BMP2K: variants seen among roughly 807,000 people sequenced by gnomAD.
BMP2K encodes BMP-2-inducible protein kinase.
A neutral mutation model predicts 116.0 loss-of-function variants in BMP2K; 74 were observed. That is an observed-to-expected ratio of 0.64 (90% CI 0.53 to 0.77). The LOEUF is 0.77. Ranked by LOEUF, BMP2K falls within the 30% of genes least tolerant of loss-of-function variation. The probability of loss-of-function intolerance (pLI) is 0.00; values close to 1 mark genes in which losing one functional copy is unlikely to be tolerated. For synonymous variants in BMP2K, 486 were observed against 502.5 expected, an observed-to-expected ratio of 0.97 and a Z score of 0.44; for missense variants, 1,365 against 1,403.6, an observed-to-expected ratio of 0.97 and a Z score of 0.44.
chr4:78,779,677 A>G (rs1727411677), intron 1 of BMP2K, among the ~76,000 whole-genome samples: 1 of 152,222 alleles, frequency 6.6e-6, no homozygotes, highest in Non-Finnish European at 1.5e-5. Flanking sequence ...ATGAGGAGCA[A>G]CCTTTGTTAT....
intron 1 of BMP2K, among the ~76,000 whole-genome samples, chr4:78,788,663 A>G (rs1453424224): frequency 1.3e-5 from 2 of 151,700 alleles, no homozygotes; most frequent in African/African-American, 2.4e-5. Flanking sequence ...ACCTTAGTGC[A>G]GTGGGAACTT....
chr4:78,864,433 T>A (rs772366464), intron 9 of BMP2K, among the ~76,000 whole-genome samples: 1 of 151,838 alleles, frequency 6.6e-6, no homozygotes, highest in Non-Finnish European at 1.5e-5. Context: ...ATGTAATATC[T>A]GTATATATTT....
intron 13 of BMP2K, among the ~76,000 whole-genome samples, chr4:78,873,961 C>T (rs563103631): frequency 1.5e-4 from 23 of 152,108 alleles, no homozygotes; most frequent in Middle Eastern, 3.4e-3. Flanking sequence ...AGGCGGATCA[C>T]GAGGTCAGGA....
chr4:78,842,631 C>G (rs1008050371), intron 4 of BMP2K, 104 bp downstream of exon 4: 2 of 998,446 alleles, frequency 2.0e-6, no homozygotes, highest in Middle Eastern at 2.6e-4. Context: ...TGAGGTTGGT[C>G]TCTCTCTCCC....
In BMP2K at chr4:78,870,988, G is replaced by GCAA; in HGVS notation, c.1439_1440insACA (p.Gln486dup). ...AGCAGCAGCAGCAACAGCAACAGCA[G>GCAA]CAGCAGCAGCAGCAGCAGCAGCACC... is the stretch of plus-strand genomic sequence containing the variant. On this transcript the variant is annotated inframe_insertion, in exon 11 of 16. Transcript: ENST00000502613. 1 of 1,508,472 alleles carries GCAA rather than the reference G, an allele frequency of 6.6e-7. No individual in the cohort carries two copies. Among genetic ancestry groups the GCAA allele is most frequent in the Non-Finnish European group, 9.1e-7 (1 of 1,099,392 alleles). 93.4% of individuals were successfully genotyped at this position (1,508,472 alleles called of 1,614,324 possible). A position where few individuals can be genotyped will look rare whatever the true frequency, so the allele number is the denominator to read the frequency against.
intron 11 of BMP2K, 47 bp from the exon 12 acceptor site, chr4:78,871,803 G>T: frequency 1.5e-6 from 2 of 1,338,408 alleles, no homozygotes; most frequent in South Asian, 1.2e-5. Context: ...AAAGGGCTCT[G>T]ACACAAAAAA....
chr4:78,852,215 A>G (rs1387701668), intron 7 of BMP2K, among the ~76,000 whole-genome samples: 3 of 152,010 alleles, frequency 2.0e-5, no homozygotes. Context: ...GTGAGATGGA[A>G]AAAAATACTA....
rs555755338 is a variant in BMP2K, at chr4:78,821,136, C to CT, written c.179-4894dup. ...TAGCTCCCAGCACCTCTTCAAAGTT[C>CT]TTTTTTTCTGTTTGCTTGTTTTACT... On this transcript the variant is annotated intron_variant, in intron 1 of 15. Transcript: ENST00000502613. Among the ~76,000 whole-genome samples the CT allele has an allele frequency of 2.6e-3, 394 of 152,192 alleles. 1 individual carries two copies. Among genetic ancestry groups the CT allele is most frequent in the Non-Finnish European group, 4.4e-3 (302 of 67,986 alleles).
intron 14 of BMP2K, among the ~76,000 whole-genome samples, chr4:78,884,318 C>A (rs887859488): frequency 6.6e-6 from 1 of 152,038 alleles, no homozygotes; most frequent in African/African-American, 2.4e-5. Context: ...AAGAGTGAGA[C>A]CCTGTCTCAA....
chr4:78,851,405 G>A (rs1211038532), intron 7 of BMP2K, among the ~76,000 whole-genome samples: 2 of 151,950 alleles, frequency 1.3e-5, no homozygotes, highest in African/African-American at 2.4e-5. Context: ...GGTAGGTACT[G>A]TAATTTAACT....
rs1440770331 is a variant in BMP2K, at chr4:78,913,046, G to T, written c.*1013G>T. On this transcript the variant is annotated 3_prime_UTR_variant, in exon 16 of 16. Transcript: ENST00000502613. ...ACTGAATTTTCAAGACATTTACAAT[G>T]TGAAATCATGTTGCATTTAACAATG... is the stretch of plus-strand genomic sequence containing the variant. 1.3e-5 allele frequency: 2 copies of T among 152,192 alleles called. No homozygotes were observed. The highest frequency in any genetic ancestry group is 1.5e-5 in the Non-Finnish European group (1 of 68,024). The allele number at this position is 152,192 out of a possible 1,614,324, so 9.4% of individuals were successfully genotyped here.
chr4:78,872,052 A>G (rs1732385266), intron 12 of BMP2K, 104 bp downstream of exon 12: 4 of 844,142 alleles, frequency 4.7e-6, no homozygotes, highest in African/African-American at 1.7e-5. Flanking sequence ...AAATCAAGTA[A>G]GTTAATTGAC....
intron 14 of BMP2K, among the ~76,000 whole-genome samples, chr4:78,884,113 C>T (rs1732974290): frequency 6.6e-6 from 1 of 151,950 alleles, no homozygotes; most frequent in South Asian, 2.1e-4. Context: ...GGGAGGATTG[C>T]TTGAGTCTAG....
intron 1 of BMP2K, among the ~76,000 whole-genome samples, chr4:78,778,416 A>C (rs575259348): frequency 6.6e-6 from 1 of 152,332 alleles, no homozygotes; most frequent in Admixed American, 6.5e-5. Flanking sequence ...CGCTAATGTC[A>C]CTGTTAGAGT....
chr4:78,782,007 C>A (rs924668700), intron 1 of BMP2K, among the ~76,000 whole-genome samples: 1 of 152,232 alleles, frequency 6.6e-6, no homozygotes, highest in South Asian at 2.1e-4. Context: ...CACATTTTTT[C>A]GCCTGGCATT....
chr4:78,778,168 TACAC>T (rs1199177472), intron 1 of BMP2K, among the ~76,000 whole-genome samples: 2 of 152,216 alleles, frequency 1.3e-5, no homozygotes, highest in African/African-American at 4.8e-5. Flanking sequence ...TGAGTAGTGT[TACAC>T]TCACTCATTC....
chr4:78,798,320 A>C (rs987440411), intron 1 of BMP2K, among the ~76,000 whole-genome samples: 2 of 152,146 alleles, frequency 1.3e-5, no homozygotes, highest in Non-Finnish European at 2.9e-5. Context: ...AAGAAGCGAG[A>C]AATGGAGATA....
chr4:78,811,379 C>T (rs977367971), intron 1 of BMP2K, among the ~76,000 whole-genome samples: 2 of 152,094 alleles, frequency 1.3e-5, no homozygotes, highest in Non-Finnish European at 2.9e-5. Flanking sequence ...TTGTGTAGTA[C>T]ATAATAATTT....
intron 15 of BMP2K, chr4:78,899,158 A>C (rs1467865738): frequency 2.0e-5 from 3 of 152,348 alleles, no homozygotes; most frequent in African/African-American, 2.4e-5. Flanking sequence ...CTTCTCTTAA[A>C]GTAAGTCTAT....
Sources: gnomAD v4.1 joint callset for allele counts (sites outside exome capture counted in the v4.1 genomes callset) on GRCh38, gnomAD v4.1.1 for gene constraint, MANE v1.5 for transcripts, NCBI Gene and HGNC (gene_info 2026-07-23, HGNC 2026-07-21) for gene names.